TRIO: variants seen among roughly 807,000 people sequenced by gnomAD.
The protein encoded by TRIO is trio Rho guanine nucleotide exchange factor.
In TRIO, 58 loss-of-function variants were observed where a neutral mutation model predicts 351.9. The ratio of observed to expected loss-of-function variants is 0.16; its 90% CI spans 0.13 to 0.21. TRIO has a LOEUF of 0.21. Among genes scored for constraint, TRIO ranks in the 10% least tolerant of loss-of-function variants. TRIO has a pLI of 1.00. For missense variants in TRIO, 3,201 were observed against 4,027.8 expected, an observed-to-expected ratio of 0.79 and a Z score of 5.56; for synonymous variants, 1,758 against 1,595.7, an observed-to-expected ratio of 1.10 and a Z score of -2.42.
intron 1 of TRIO, among the ~76,000 whole-genome samples, chr5:14,219,930 G>A (rs1423363327): frequency 6.7e-6 from 1 of 148,900 alleles, no homozygotes; most frequent in Non-Finnish European, 1.5e-5. Flanking sequence ...GATTTTGTGA[G>A]TCTCTAAAGT....
At chr5:14,498,469 C>A in intron 52 of TRIO, 50 bp from the exon 53 acceptor site, 1 of 1,591,242 alleles carries the variant, frequency 6.3e-7, no homozygotes, top group Non-Finnish European at 8.6e-7. Flanking sequence ...GCGCTGATGG[C>A]CACGTGCTCA....
At chr5:14,315,251 C>CT (rs761690853) in intron 8 of TRIO, among the ~76,000 whole-genome samples, 6,507 of 137,572 alleles carry the variant, frequency 0.047, 498 homozygotes, top group African/African-American at 0.16. Context: ...ACTTGCTCCT[C>CT]TTTTTTTTTT....
At chr5:14,281,599 T>C (rs887041766) in intron 3 of TRIO, among the ~76,000 whole-genome samples, 1 of 152,108 alleles carries the variant, frequency 6.6e-6, no homozygotes, top group African/African-American at 2.4e-5. Context: ...GCTGATATAA[T>C]CTAAGGATAC....
intron 1 of TRIO, among the ~76,000 whole-genome samples, chr5:14,185,378 T>TGG (rs1265372916): frequency 6.6e-6 from 1 of 152,220 alleles, no homozygotes; most frequent in East Asian, 1.9e-4. Flanking sequence ...TGGGCCTAAC[T>TGG]GGGGTGGGCA....
intron 32 of TRIO, 161 bp downstream of exon 32, chr5:14,406,151 T>C (rs1579563168): frequency 9.3e-7 from 1 of 1,074,416 alleles, no homozygotes; most frequent in East Asian, 2.6e-5. Context: ...ATGAAACTGC[T>C]TTGTCAGAGA....
At chr5:14,327,379 G>A (rs992966737) in intron 9 of TRIO, among the ~76,000 whole-genome samples, 3 of 152,142 alleles carry the variant, frequency 2.0e-5, no homozygotes, top group African/African-American at 7.2e-5. Flanking sequence ...GACCAGGCGG[G>A]TCTCAAACTC....
chr5:14,467,965 T>A (rs1455459068), intron 37 of TRIO, among the ~76,000 whole-genome samples: 1 of 152,230 alleles, frequency 6.6e-6, no homozygotes, highest in Non-Finnish European at 1.5e-5. Context: ...TAAACTTTTT[T>A]TTAAAAGCCA....
intron 28 of TRIO, among the ~76,000 whole-genome samples, chr5:14,396,701 C>T (rs1285119689): frequency 6.6e-6 from 1 of 151,480 alleles, no homozygotes; most frequent in African/African-American, 2.4e-5. Context: ...AACTCCTGAC[C>T]TCAAGTGATT....
At chr5:14,395,821 G>A (rs1351162094) in intron 28 of TRIO, among the ~76,000 whole-genome samples, 3 of 152,072 alleles carry the variant, frequency 2.0e-5, no homozygotes, top group African/African-American at 2.4e-5. Context: ...CGAGGCAGGC[G>A]GATCACGACA....
At position 14,492,725 on chromosome 5, in the gene TRIO, C is replaced by T. The variant is rs908556370; in HGVS notation, c.7791C>T (p.Asp2597=). Residue 2597 remains aspartate, a synonymous_variant, in exon 49 of 57, where the codon GAC becomes GAT. Coordinates refer to ENST00000344204, the MANE Select transcript of TRIO (RefSeq NM_007118.4). ...NMFLVFRAAT[D]QCPAAEGWIP... is the part of the protein sequence containing the mutation. ...TTCTGGTGTTCCGAGCCGCCACTGA[C>T]CAGTGCCCCGCAGCTGAGGGCTGGA... 1.2e-6 allele frequency: 2 copies of T among 1,614,172 alleles called. No homozygotes were observed. The highest frequency in any genetic ancestry group is 1.7e-6 in the Non-Finnish European group (2 of 1,180,008).
chr5:14,309,355 A>T (rs1160397357), intron 8 of TRIO, among the ~76,000 whole-genome samples: 4 of 150,954 alleles, frequency 2.6e-5, no homozygotes, highest in African/African-American at 9.8e-5. Context: ...TCCACCTCCA[A>T]CTCCTACCAC....
intron 1 of TRIO, among the ~76,000 whole-genome samples, chr5:14,175,533 A>G (rs1431191143): frequency 6.6e-6 from 1 of 152,226 alleles, no homozygotes; most frequent in Non-Finnish European, 1.5e-5. Context: ...ATATGTCTAG[A>G]TACAAAACTA....
At chr5:14,308,604 GTTCA>G (rs1344212564) in intron 8 of TRIO, among the ~76,000 whole-genome samples, 1 of 142,630 alleles carries the variant, frequency 7.0e-6, no homozygotes, top group Non-Finnish European at 1.5e-5. Context: ...TCATTGATGC[GTTCA>G]TTCATCCATT....
At chr5:14,475,666 CT>C (rs1755022632) in intron 40 of TRIO, among the ~76,000 whole-genome samples, 1 of 152,210 alleles carries the variant, frequency 6.6e-6, no homozygotes, top group Non-Finnish European at 1.5e-5. Context: ...GTGCTGTAGA[CT>C]TACTGAACAA....
intron 1 of TRIO, among the ~76,000 whole-genome samples, chr5:14,236,380 A>T (rs1793768559): frequency 6.6e-6 from 1 of 152,238 alleles, no homozygotes; most frequent in Admixed American, 6.5e-5. Context: ...GCCATACTGA[A>T]GGTAATGAAT....
intron 15 of TRIO, 119 bp from the exon 16 acceptor site, chr5:14,366,741 A>G: frequency 1.4e-6 from 2 of 1,435,436 alleles, no homozygotes; most frequent in Non-Finnish European, 1.9e-6. Flanking sequence ...TGAAGGCATC[A>G]GTGCCTCGTA....
At chr5:14,355,290 GTTGGCACATAC>G (rs1743517662) in intron 11 of TRIO, among the ~76,000 whole-genome samples, 1 of 152,230 alleles carries the variant, frequency 6.6e-6, no homozygotes, top group Non-Finnish European at 1.5e-5. Flanking sequence ...GCGCAGCCAA[GTTGGCACATAC>G]TTGGTTTGTT....
At chr5:14,354,000 C>T (rs894253066) in intron 11 of TRIO, among the ~76,000 whole-genome samples, 1 of 152,246 alleles carries the variant, frequency 6.6e-6, no homozygotes, top group Non-Finnish European at 1.5e-5. Flanking sequence ...GCCTGCCCCC[C>T]TTCCTGTACC....
chr5:14,494,622 G>A (rs561534273), intron 49 of TRIO, among the ~76,000 whole-genome samples: 1 of 152,296 alleles, frequency 6.6e-6, no homozygotes, highest in East Asian at 1.9e-4. Flanking sequence ...TTTTGGGCTG[G>A]GCATGGTGGC....
Sources: allele counts gnomAD v4.1 joint callset (sites outside exome capture counted in the v4.1 genomes callset), GRCh38; gene constraint gnomAD v4.1.1; transcripts MANE v1.5; gene names NCBI Gene and HGNC (gene_info 2026-07-23, HGNC 2026-07-21).